The following VOPP1 variants were observed in gnomAD, a reference collection of about 807,000 sequenced individuals.
VOPP1 encodes the protein VOPP1 WW domain binding protein, also known as WW domain binding protein VOPP1.
A neutral mutation model predicts 23.5 loss-of-function variants in VOPP1; 8 were observed. The ratio of observed to expected loss-of-function variants is 0.34; its 90% confidence interval spans 0.20 to 0.61. The LOEUF (loss-of-function observed/expected upper bound fraction) is 0.61. VOPP1 is among the 20% of genes least tolerant of loss of function. The probability of loss-of-function intolerance (pLI) is 0.78; values close to 1 mark genes in which losing one functional copy is unlikely to be tolerated. For synonymous variants in VOPP1, 83 were observed against 97.3 expected (o/e 0.85, Z 0.86); for missense variants, 174 against 238.1 (o/e 0.73, Z 1.77).
At chr7:55,441,183 T>C (rs985706483) in intron 4 of VOPP1, among the ~76,000 whole-genome samples, 1 of 152,172 alleles carries the variant, frequency 6.6e-6, no homozygotes, top group Non-Finnish European at 1.5e-5. Context: ...CTCCACAGCC[T>C]TCCTGGAAGA....
At chr7:55,465,439 C>T (rs771948485) in intron 4 of VOPP1, among the ~76,000 whole-genome samples, 39 of 152,186 alleles carry the variant, frequency 2.6e-4, no homozygotes, top group Non-Finnish European at 5.9e-5. Context: ...GCTTCCTTTA[C>T]ATGATCGTAG....
At chr7:55,478,957 G>C (rs1340042458) in intron 4 of VOPP1, among the ~76,000 whole-genome samples, 2 of 152,008 alleles carry the variant, frequency 1.3e-5, no homozygotes, top group East Asian at 1.9e-4. Flanking sequence ...GAAGAGCTGA[G>C]GGGGGCAGCA....
chr7:55,501,785 C>CT (rs1029118171), intron 2 of VOPP1, among the ~76,000 whole-genome samples: 1 of 152,106 alleles, frequency 6.6e-6, no homozygotes, highest in Non-Finnish European at 1.5e-5. Context: ...CGACATACAC[C>CT]TGCAGCTTAG....
At chr7:55,532,489 C>T (rs561397889) in intron 1 of VOPP1, among the ~76,000 whole-genome samples, 5 of 152,364 alleles carry the variant, frequency 3.3e-5, no homozygotes, top group Admixed American at 1.3e-4. Flanking sequence ...TCAAGTAAAG[C>T]TCAACCTAAA....
In VOPP1 at chr7:55,484,907, C is replaced by T. The variant is rs1338113801; in HGVS notation, c.328+7375G>A. On this transcript the variant is annotated intron_variant, in intron 4 of 4. Transcript: ENST00000285279. ...GTACTTTGTGAGGGCAGCCCCGGGACATGAATCCAGTACGCACCTTCTCCT... is the reference window on the plus strand; with the variant it reads ...GTACTTTGTGAGGGCAGCCCCGGGATATGAATCCAGTACGCACCTTCTCCT... Among the ~76,000 whole-genome samples, 3 of 152,182 alleles carry T rather than the reference C, an allele frequency of 2.0e-5. No individual in the cohort carries two copies. The East Asian group carries it at 5.8e-4, about 29-fold the overall frequency.
In VOPP1 at chr7:55,463,712, C is replaced by A. The variant is rs79211469; in HGVS notation, n.418-27538G>T. Among the ~76,000 whole-genome samples the A allele has an allele frequency of 4.6e-3, 705 of 152,328 alleles. 16 individuals are homozygous for A. Among genetic ancestry groups the A allele is most frequent in the East Asian group, 4.6e-3 (24 of 5,190 alleles). ...TTCCTCTCCCACCCCCGCTCCCCAG[C>A]AGTGTGCATGACCTGCTCAGTGGGT... On this transcript the variant is annotated intron_variant and non_coding_transcript_variant, in intron 4 of 4. Transcript: ENST00000462326.
intron 4 of VOPP1, among the ~76,000 whole-genome samples, chr7:55,490,299 G>A (rs1023949597): frequency 6.6e-6 from 1 of 152,122 alleles, no homozygotes; most frequent in Non-Finnish European, 1.5e-5. Context: ...AGATCTAATC[G>A]CCTGGTTGCT....
At chr7:55,499,696 G>A (rs778194624) in intron 2 of VOPP1, among the ~76,000 whole-genome samples, 3 of 152,208 alleles carry the variant, frequency 2.0e-5, no homozygotes, top group Non-Finnish European at 4.4e-5. Flanking sequence ...AAGAGAGCAC[G>A]CAGGAATCCA....
chr7:55,560,169 C>CA (rs567580188), intron 1 of VOPP1, among the ~76,000 whole-genome samples: 41 of 151,646 alleles, frequency 2.7e-4, no homozygotes, highest in South Asian at 2.1e-3. Flanking sequence ...CAAACGAAAA[C>CA]AAAAAAAACC....
At chr7:55,523,058 G>C (rs767612784) in intron 1 of VOPP1, among the ~76,000 whole-genome samples, 1 of 152,102 alleles carries the variant, frequency 6.6e-6, no homozygotes, top group African/African-American at 2.4e-5. Flanking sequence ...TCTTCTTCTG[G>C]GTCACACAGC....
At chr7:55,436,646 G>GTGGA (rs67082179) in intron 4 of VOPP1, among the ~76,000 whole-genome samples, 1 of 82,298 alleles carries the variant, frequency 1.2e-5, no homozygotes, top group Non-Finnish European at 3.3e-5. Context: ...GTGTGCGTGC[G>GTGGA]TGGGTGTGTG....
At chr7:55,502,611 G>A (rs573505201) in intron 2 of VOPP1, among the ~76,000 whole-genome samples, 8 of 152,290 alleles carry the variant, frequency 5.3e-5, no homozygotes, top group African/African-American at 1.9e-4. Flanking sequence ...GTAAATTGGG[G>A]CCCTAAGCAC....
At chr7:55,570,180 C>T (rs1311271778) in intron 1 of VOPP1, among the ~76,000 whole-genome samples, 1 of 152,130 alleles carries the variant, frequency 6.6e-6, no homozygotes, top group East Asian at 1.9e-4. Flanking sequence ...AGGTATTCAT[C>T]AGAGCACCCC....
chr7:55,477,484 T>C (rs1236126620), intron 4 of VOPP1, among the ~76,000 whole-genome samples: 1 of 152,178 alleles, frequency 6.6e-6, no homozygotes, highest in East Asian at 1.9e-4. Context: ...TCAGCAAGCC[T>C]GTGCCAAGGC....
chr7:55,502,236 C>T (rs1392016156), intron 2 of VOPP1, among the ~76,000 whole-genome samples: 2 of 152,244 alleles, frequency 1.3e-5, no homozygotes, highest in Non-Finnish European at 2.9e-5. Flanking sequence ...ACCCCTCAGC[C>T]TGAGAACATA....
intron 3 of VOPP1, among the ~76,000 whole-genome samples, chr7:55,495,391 C>A (rs1793882075): frequency 2.0e-5 from 3 of 152,196 alleles, no homozygotes; most frequent in African/African-American, 2.4e-5. Context: ...GGGGCCCAGG[C>A]AGCAGAGCAG....
chr7:55,522,388 G>A (rs575011601), intron 1 of VOPP1, among the ~76,000 whole-genome samples: 1 of 152,178 alleles, frequency 6.6e-6, no homozygotes, highest in South Asian at 2.1e-4. Flanking sequence ...TTTTATTAAC[G>A]GAAAATGAGT....
chr7:55,545,059 A>G (rs921846305), intron 1 of VOPP1, among the ~76,000 whole-genome samples: 1 of 152,262 alleles, frequency 6.6e-6, no homozygotes, highest in Non-Finnish European at 1.5e-5. Flanking sequence ...ATGTGGAGGC[A>G]AATAGTAGAA....
intron 4 of VOPP1, among the ~76,000 whole-genome samples, chr7:55,490,610 C>T (rs920174700): frequency 6.6e-6 from 1 of 152,172 alleles, no homozygotes. Context: ...GCAGGGGCTG[C>T]TCCTCCCTGT....
Sources: allele counts gnomAD v4.1 joint callset (sites outside exome capture counted in the v4.1 genomes callset), GRCh38; gene constraint gnomAD v4.1.1; transcripts MANE v1.5; gene names NCBI Gene and HGNC (gene_info 2026-07-23, HGNC 2026-07-21).